ANO10: variants seen among roughly 807,000 people sequenced by gnomAD.
ANO10 encodes anoctamin-10.
In ANO10, 77 loss-of-function variants were observed where a neutral mutation model predicts 74.7. The observed-to-expected ratio is 1.03, with a 90% confidence interval of 0.86 to 1.25. The LOEUF (loss-of-function observed/expected upper bound fraction) is 1.25, where lower values mean the gene tolerates loss of function less well. Ranked by LOEUF, ANO10 falls within the 50% of genes most tolerant of loss-of-function variation. The pLI is 0.00. For synonymous variants in ANO10, 279 were observed against 284.9 expected, an observed-to-expected ratio of 0.98 and a Z score of 0.21; for missense variants, 721 against 778.1, an observed-to-expected ratio of 0.93 and a Z score of 0.87.
intron 1 of ANO10, among the ~76,000 whole-genome samples, chr3:43,678,528 C>T (rs539152229): frequency 5.3e-5 from 8 of 152,320 alleles, no homozygotes; most frequent in African/African-American, 1.9e-4. Flanking sequence ...CTGTCCTGTT[C>T]CATTCTGATT....
At chr3:43,690,946 T>A (rs769981471) in intron 1 of ANO10, 7 of 1,543,104 alleles carry the variant, frequency 4.5e-6, no homozygotes, top group South Asian at 1.2e-5. Flanking sequence ...CCAGTCGGCC[T>A]GTCAGCCGGC....
intron 1 of ANO10, among the ~76,000 whole-genome samples, chr3:43,658,075 C>T (rs1043912597): frequency 6.6e-6 from 1 of 152,144 alleles, no homozygotes; most frequent in Admixed American, 6.5e-5. Flanking sequence ...AAACCCACTG[C>T]AGGAGCACAC....
intron 1 of ANO10, among the ~76,000 whole-genome samples, chr3:43,646,320 G>A (rs933426697): frequency 1.9e-4 from 29 of 152,196 alleles, no homozygotes; most frequent in African/African-American, 6.5e-4. Flanking sequence ...CCTATTTTGA[G>A]CAGGGATGAT....
chr3:43,391,248 GT>G (rs2092267048), intron 12 of ANO10, among the ~76,000 whole-genome samples: 2 of 152,276 alleles, frequency 1.3e-5, no homozygotes, highest in South Asian at 4.1e-4. Flanking sequence ...TTCTCAAACT[GT>G]ATCAAAATGA....
chr3:43,583,057 C>T (rs2081332073), intron 4 of ANO10, among the ~76,000 whole-genome samples: 3 of 152,158 alleles, frequency 2.0e-5, no homozygotes, highest in Admixed American at 6.5e-5. Flanking sequence ...ACAAAGATGA[C>T]TCCATTCTAC....
intron 11 of ANO10, among the ~76,000 whole-genome samples, chr3:43,497,690 G>A (rs924584083): frequency 6.6e-6 from 1 of 152,138 alleles, no homozygotes; most frequent in East Asian, 1.9e-4. Context: ...GATGCCCTCT[G>A]CCCTCCTACA....
At chr3:43,398,942 C>A (rs1205263266) in intron 12 of ANO10, among the ~76,000 whole-genome samples, 1 of 152,226 alleles carries the variant, frequency 6.6e-6, no homozygotes, top group African/African-American at 2.4e-5. Flanking sequence ...GATCCTCCCA[C>A]CTCAGTCTCC....
rs554212681 is a variant in ANO10 at position 43,689,163 on chromosome 3, A to G, written c.-12+2354T>C. 9.5e-4 allele frequency: 145 copies of G among 152,334 alleles called. 1 individual carries two copies. The highest frequency in any genetic ancestry group is 3.4e-3 in the African/African-American group (142 of 41,552). 9.4% of individuals were successfully genotyped at this position (152,334 alleles called of 1,614,324 possible). A position where few individuals can be genotyped will look rare whatever the true frequency, so the allele number is the denominator to read the frequency against. On this transcript the variant is annotated intron_variant, in intron 1 of 3. Coordinates refer to the ANO10 transcript ENST00000413397. ...CACCCCCAGAATCTAATCACCACCC[A>G]TCAAACCCCACCTCTAACACTGGAG...
chr3:43,651,677 T>C (rs933629446), intron 1 of ANO10, among the ~76,000 whole-genome samples: 1 of 152,204 alleles, frequency 6.6e-6, no homozygotes, highest in African/African-American at 2.4e-5. Context: ...GGATTTTAAA[T>C]GTGAAAAACA....
At position 43,407,349 on chromosome 3, in the gene ANO10, A is replaced by G. The variant is rs145792516; in HGVS notation, c.1914+25262T>C. Among the ~76,000 whole-genome samples the G allele has an allele frequency of 2.9e-3, 440 of 152,140 alleles. 1 individual carries two copies. The highest frequency in any genetic ancestry group is 0.01 in the African/African-American group (423 of 41,492). On this transcript the variant is annotated intron_variant, in intron 12 of 12. Coordinates refer to ENST00000292246, the MANE Select transcript of ANO10 (RefSeq NM_018075.5). ...TGGAATTCAGACCACAGATTCATGA[A>G]CTCTCTGAATGCTAGTTAAACTCCC...
intron 12 of ANO10, among the ~76,000 whole-genome samples, chr3:43,381,024 G>A (rs112086642): frequency 1.6e-4 from 24 of 152,216 alleles, no homozygotes; most frequent in East Asian, 7.7e-4. Context: ...GAGAAGCGCC[G>A]AGCAAAGGGG....
chr3:43,473,532 C>G (rs1428879891), intron 11 of ANO10, among the ~76,000 whole-genome samples: 1 of 152,172 alleles, frequency 6.6e-6, no homozygotes, highest in Non-Finnish European at 1.5e-5. Flanking sequence ...TATTTGTTAT[C>G]TGTTGACTTT....
intron 11 of ANO10, among the ~76,000 whole-genome samples, chr3:43,522,080 T>C (rs930124680): frequency 2.6e-5 from 4 of 152,054 alleles, no homozygotes; most frequent in Admixed American, 6.6e-5. Flanking sequence ...TTACATGAAA[T>C]GTCTAGAACA....
intron 12 of ANO10, among the ~76,000 whole-genome samples, chr3:43,417,480 G>A (rs537782273): frequency 6.6e-6 from 1 of 152,146 alleles, no homozygotes; most frequent in East Asian, 1.9e-4. Context: ...ATCCACTACC[G>A]GTTGCTCTTT....
chr3:43,438,187 A>C (rs1420557002), intron 11 of ANO10, among the ~76,000 whole-genome samples: 1 of 152,166 alleles, frequency 6.6e-6, no homozygotes, highest in East Asian at 1.9e-4. Context: ...TAATCTCAGC[A>C]CTTTGGGAGG....
intron 1 of ANO10, among the ~76,000 whole-genome samples, chr3:43,645,660 T>C (rs1042273495): frequency 7.2e-5 from 11 of 152,170 alleles, no homozygotes; most frequent in Admixed American, 6.5e-4. Context: ...CTGTGCTATG[T>C]TTGCTTAAAA....
chr3:43,396,493 C>A (rs1360830211), intron 12 of ANO10, among the ~76,000 whole-genome samples: 1 of 151,874 alleles, frequency 6.6e-6, no homozygotes, highest in Non-Finnish European at 1.5e-5. Flanking sequence ...CGCCTGCCAC[C>A]ACACCCGGCT....
chr3:43,468,878 GTT>G (rs2075738667), intron 11 of ANO10, among the ~76,000 whole-genome samples: 1 of 150,862 alleles, frequency 6.6e-6, no homozygotes, highest in East Asian at 2.0e-4. Flanking sequence ...GGCTGGCTAA[GTT>G]TTTGTACTTT....
At chr3:43,679,349 C>T (rs374202676) in intron 1 of ANO10, among the ~76,000 whole-genome samples, 11 of 152,128 alleles carry the variant, frequency 7.2e-5, no homozygotes, top group Non-Finnish European at 1.2e-4. Flanking sequence ...ATTGCTAGCA[C>T]GGCAGTCTGA....
Sources: allele counts gnomAD v4.1 joint callset (sites outside exome capture counted in the v4.1 genomes callset), GRCh38; gene constraint gnomAD v4.1.1; transcripts MANE v1.5; gene names NCBI Gene and HGNC (gene_info 2026-07-23, HGNC 2026-07-21).